CDH10: variants seen among roughly 807,000 people sequenced by gnomAD.
CDH10 encodes cadherin-10.
Under a neutral mutation model 73.1 loss-of-function variants are expected in CDH10, and 30 were observed. The observed-to-expected ratio is 0.41, with a 90% CI of 0.31 to 0.56. The LOEUF is 0.56. Among genes scored for constraint, CDH10 ranks in the 20% least tolerant of loss-of-function variants. The probability of loss-of-function intolerance (pLI) is 0.27; values close to 1 mark genes in which losing one functional copy is unlikely to be tolerated. For synonymous variants in CDH10, 345 were observed against 348.2 expected (o/e 0.99, Z 0.10); for missense variants, 815 against 973.7 (o/e 0.84, Z 2.17).
At chr5:24,585,674 TC>T (rs1166263523) in intron 2 of CDH10, among the ~76,000 whole-genome samples, 1 of 152,212 alleles carries the variant, frequency 6.6e-6, no homozygotes, top group East Asian at 1.9e-4. Context: ...TCCACCTGTC[TC>T]AGCCTCCCAA....
chr5:24,643,650 G>A (rs562954482), intron 1 of CDH10, among the ~76,000 whole-genome samples: 1 of 152,250 alleles, frequency 6.6e-6, no homozygotes, highest in African/African-American at 2.4e-5. Flanking sequence ...ACAATTATAG[G>A]AAACATCTGT....
intron 2 of CDH10, among the ~76,000 whole-genome samples, chr5:24,590,589 G>A (rs377647452): frequency 6.0e-4 from 91 of 152,086 alleles, no homozygotes; most frequent in African/African-American, 2.1e-3. Flanking sequence ...AACCCAATGA[G>A]CAGTAATGGG....
chr5:24,506,273 C>G (rs1561128948), intron 7 of CDH10, among the ~76,000 whole-genome samples: 1 of 152,130 alleles, frequency 6.6e-6, no homozygotes, highest in Non-Finnish European at 1.5e-5. Context: ...GTACGCTGGG[C>G]ATGATTTTAA....
intron 7 of CDH10, 49 bp from the exon 8 acceptor site, chr5:24,505,297 T>G: frequency 1.3e-6 from 2 of 1,546,216 alleles, no homozygotes; most frequent in South Asian, 2.2e-5. Flanking sequence ...ATTAATAGTT[T>G]GCAGGAAAAA....
intron 2 of CDH10, among the ~76,000 whole-genome samples, chr5:24,589,564 T>TATA (rs1218496496): frequency 1.3e-5 from 2 of 152,034 alleles, no homozygotes; most frequent in African/African-American, 4.8e-5. Flanking sequence ...ACATGCTTTT[T>TATA]ACCACCTGAG....
intron 2 of CDH10, among the ~76,000 whole-genome samples, chr5:24,560,814 C>G (rs1744933865): frequency 1.3e-5 from 2 of 151,978 alleles, no homozygotes; most frequent in Admixed American, 1.3e-4. Flanking sequence ...CAATCAGAAA[C>G]CTGTCCACAA....
intron 2 of CDH10, among the ~76,000 whole-genome samples, chr5:24,545,680 G>A (rs1017850358): frequency 2.6e-5 from 4 of 151,836 alleles, no homozygotes; most frequent in Non-Finnish European, 4.4e-5. Flanking sequence ...AGTCATGGTG[G>A]CATGCCTGTA....
chr5:24,590,675 G>A (rs1746169466), intron 2 of CDH10, among the ~76,000 whole-genome samples: 1 of 151,964 alleles, frequency 6.6e-6, no homozygotes. Flanking sequence ...TCTTCCTAGG[G>A]TCTGGTTAGC....
intron 10 of CDH10, among the ~76,000 whole-genome samples, chr5:24,492,499 C>T (rs535544946): frequency 1.3e-5 from 2 of 152,256 alleles, no homozygotes; most frequent in African/African-American, 4.8e-5. Context: ...AAGAGTCTCA[C>T]TGAATCATTC....
intron 2 of CDH10, chr5:24,554,060 CAG>C (rs55884436): frequency 0.84 from 86,108 of 102,412 alleles, 36,032 homozygotes; most frequent in African/African-American, 0.87. Context: ...GAGCAAGACA[CAG>C]AGAGAGAGAG....
intron 2 of CDH10, among the ~76,000 whole-genome samples, chr5:24,575,001 G>T (rs1023205390): frequency 6.6e-6 from 1 of 151,966 alleles, no homozygotes; most frequent in African/African-American, 2.4e-5. Flanking sequence ...TCTGTTTTCA[G>T]GTAAATTTTT....
At chr5:24,573,366 G>A (rs918941070) in intron 2 of CDH10, among the ~76,000 whole-genome samples, 5 of 151,894 alleles carry the variant, frequency 3.3e-5, no homozygotes, top group African/African-American at 1.2e-4. Context: ...AATGAAGGGA[G>A]TTGTTTCCAA....
intron 2 of CDH10, among the ~76,000 whole-genome samples, chr5:24,554,699 T>C (rs1744704706): frequency 6.6e-6 from 1 of 152,132 alleles, no homozygotes; most frequent in African/African-American, 2.4e-5. Flanking sequence ...CATTTAATTA[T>C]GGTAAAAAAG....
At chr5:24,534,650 T>C (rs182830964) in intron 5 of CDH10, among the ~76,000 whole-genome samples, 156 of 152,268 alleles carry the variant, frequency 1.0e-3, no homozygotes, top group African/African-American at 3.5e-3. Flanking sequence ...AGGTTCTCGA[T>C]CTACAGTGCT....
chr5:24,623,035 C>G (rs1240065892), intron 1 of CDH10, among the ~76,000 whole-genome samples: 1 of 152,042 alleles, frequency 6.6e-6, no homozygotes. Flanking sequence ...TCTTATAATG[C>G]CAATTGTAGG....
chr5:24,605,268 G>T (rs1746721188), intron 1 of CDH10, among the ~76,000 whole-genome samples: 3 of 152,188 alleles, frequency 2.0e-5, no homozygotes, highest in Non-Finnish European at 4.4e-5. Flanking sequence ...TGACCTGTTA[G>T]GAACCGGGCC....
chr5:24,536,845 T>A (rs1344902746), intron 3 of CDH10, among the ~76,000 whole-genome samples: 1 of 151,932 alleles, frequency 6.6e-6, no homozygotes, highest in African/African-American at 2.4e-5. Flanking sequence ...TTCAAAGAAG[T>A]TGAAAGATAC....
At chr5:24,594,325 G>A (rs1187258548) in intron 1 of CDH10, among the ~76,000 whole-genome samples, 1 of 151,838 alleles carries the variant, frequency 6.6e-6, no homozygotes, top group African/African-American at 2.4e-5. Context: ...CTATACCCCA[G>A]GCTGACTATG....
intron 5 of CDH10, among the ~76,000 whole-genome samples, chr5:24,519,099 C>T (rs191174648): frequency 1.3e-5 from 2 of 151,806 alleles, no homozygotes; most frequent in East Asian, 3.9e-4. Context: ...CCATGTTACC[C>T]AGGCTGGTCT....
Sources: allele counts gnomAD v4.1 joint callset (sites outside exome capture counted in the v4.1 genomes callset), GRCh38; gene constraint gnomAD v4.1.1; transcripts MANE v1.5; gene names NCBI Gene and HGNC (gene_info 2026-07-23, HGNC 2026-07-21).